Variants in CPXM2 observed in about 807,000 individuals in gnomAD.
CPXM2 encodes the protein inactive carboxypeptidase-like protein X2.
A neutral mutation model predicts 86.1 loss-of-function variants in CPXM2; 66 were observed. That is an observed-to-expected ratio of 0.77 (90% CI 0.63 to 0.94). The LOEUF is 0.94. CPXM2 is among the 40% of genes least tolerant of loss of function. The pLI is 0.00. For missense variants in CPXM2, 948 were observed against 1,026.3 expected (o/e 0.92, Z 1.04); for synonymous variants, 388 against 400.2 (o/e 0.97, Z 0.36).
rs774140430 is a variant in CPXM2 at position 123,768,536 on chromosome 10, G to C, written c.1289C>G (p.Ala430Gly). The change falls in exon 9 of 14, where the codon GCC (alanine) becomes GGC (glycine). Residue 430 changes from alanine to glycine, a missense_variant. Coordinates refer to ENST00000241305, the MANE Select transcript of CPXM2 (RefSeq NM_198148.3). ...GGCCAGGGCCATTACCCCTTCGTAG[G>C]CCTTCTCGTAGCCATCGGGGTTGAG... ...PSLNPDGYEK[A>G]YEGGSELGGW... 1 of 1,613,140 alleles carries C rather than the reference G, an allele frequency of 6.2e-7. No individual in the cohort carries two copies. Among genetic ancestry groups the C allele is most frequent in the Non-Finnish European group, 8.5e-7 (1 of 1,179,440 alleles).
rs759964519 is a variant in CPXM2, at chr10:123,782,303, C to T, written c.890-2048G>A. 5.9e-5 allele frequency among the ~76,000 whole-genome samples: 9 copies of T among 152,232 alleles called. No individual in the cohort carries two copies. The East Asian group carries it at 7.7e-4, about 13-fold the overall frequency. ...GCTATTTTCTAAGAGCTATTCAACACGCCCTAAACCTCGGGGGCGTCTTTT... is the reference window on the plus strand; with the variant it reads ...GCTATTTTCTAAGAGCTATTCAACATGCCCTAAACCTCGGGGGCGTCTTTT... On this transcript the variant is annotated intron_variant, in intron 6 of 13. Transcript: ENST00000241305.
At chr10:123,880,145 T>TTGGGGGGCCCCCCC in intron 2 of CPXM2, 66 bp downstream of exon 2, 2 of 407,578 alleles carry the variant, frequency 4.9e-6, no homozygotes, top group Non-Finnish European at 9.6e-6. Flanking sequence ...CAGGGGCCTG[T>TTGGGGGGCCCCCCC]ACCCACCCAC....
chr10:123,919,476 G>T (rs1008500778), intron 2 of CPXM2, among the ~76,000 whole-genome samples: 5 of 149,656 alleles, frequency 3.3e-5, no homozygotes, highest in Admixed American at 1.3e-4. Context: ...ATTTAAAGCA[G>T]GTATGACAAC....
At chr10:123,829,441 G>A (rs934225287) in intron 4 of CPXM2, among the ~76,000 whole-genome samples, 5 of 151,344 alleles carry the variant, frequency 3.3e-5, no homozygotes, top group African/African-American at 1.2e-4. Flanking sequence ...TGGGTTTATA[G>A]GCATGAGCCA....
intron 2 of CPXM2, among the ~76,000 whole-genome samples, chr10:123,923,004 G>A (rs1273606935): frequency 6.6e-6 from 1 of 152,094 alleles, no homozygotes; most frequent in Non-Finnish European, 1.5e-5. Context: ...CTCCACCCTC[G>A]CCTAGGAAGT....
intron 7 of CPXM2, among the ~76,000 whole-genome samples, chr10:123,779,246 G>T (rs1258201729): frequency 6.6e-6 from 1 of 152,184 alleles, no homozygotes; most frequent in Non-Finnish European, 1.5e-5. Flanking sequence ...ATGCTTTCTA[G>T]CACATGCTGG....
At chr10:123,760,945 G>A (rs375053614) in intron 11 of CPXM2, among the ~76,000 whole-genome samples, 1 of 2,320 alleles carries the variant, frequency 4.3e-4, no homozygotes, top group East Asian at 2.0e-3. Context: ...CAAATTCATC[G>A]TCTTGACCAA....
intron 9 of CPXM2, among the ~76,000 whole-genome samples, chr10:123,767,734 T>G (rs1478581699): frequency 6.6e-6 from 1 of 152,218 alleles, no homozygotes; most frequent in East Asian, 1.9e-4. Context: ...TATTTATACA[T>G]AATTCTGTAC....
intron 2 of CPXM2, among the ~76,000 whole-genome samples, chr10:123,866,381 T>C (rs1162443152): frequency 1.5e-5 from 2 of 136,412 alleles, no homozygotes; most frequent in African/African-American, 6.0e-5. Flanking sequence ...CTGGCCGATA[T>C]GGTGAAACCC....
intron 3 of CPXM2, among the ~76,000 whole-genome samples, chr10:123,860,769 C>T (rs536364917): frequency 3.9e-5 from 5 of 129,608 alleles, no homozygotes; most frequent in African/African-American, 1.3e-4. Context: ...TCAAGCTTTG[C>T]GGGCTCATGT....
intron 2 of CPXM2, among the ~76,000 whole-genome samples, chr10:123,875,643 A>C (rs930715642): frequency 4.6e-5 from 7 of 152,084 alleles, no homozygotes; most frequent in Admixed American, 6.5e-5. Flanking sequence ...ACAAATATAC[A>C]TTAAGTTGGC....
rs544270779 is a variant in CPXM2 at position 123,889,402 on chromosome 10, TG to T, written c.304+1953del. Reference sequence around the variant, plus strand: ...TTGTTACCTTAACACCCCACACTTTTGTGCAACCCTTAACACAACTGTGATT... The same window carrying T: ...TTGTTACCTTAACACCCCACACTTTTTGCAACCCTTAACACAACTGTGATT... On this transcript the variant is annotated intron_variant, in intron 1 of 13. Coordinates refer to ENST00000241305, the MANE Select transcript of CPXM2 (RefSeq NM_198148.3). 1.5e-3 allele frequency among the ~76,000 whole-genome samples: 228 copies of T among 151,490 alleles called. 1 individual carries two copies. In the Middle Eastern group the frequency reaches 0.024, roughly 16 times the overall value.
intron 2 of CPXM2, among the ~76,000 whole-genome samples, chr10:123,910,675 T>C (rs1183662737): frequency 7.2e-5 from 11 of 152,234 alleles, no homozygotes; most frequent in Non-Finnish European, 4.4e-5. Context: ...CTCACCCAAC[T>C]GCACCTAAGT....
Position 123,891,335 on chromosome 10 carries a change from C to T in CPXM2, c.304+21G>A. The stretch of plus-strand genomic sequence containing the variant: ...AACCACCGGCGCCCCCTCGGGCTGC[C>T]CAGCGCAGAAAGTTCCTTACCTGGT... On this transcript the variant is annotated intron_variant, in intron 1 of 13. Transcript: ENST00000241305. The surrounding 1 kb of genome is among the most constrained non-coding windows in gnomAD (Gnocchi z 5.6). 1 of 1,495,746 alleles carries T rather than the reference C, an allele frequency of 6.7e-7. No homozygotes were observed. 92.7% of individuals were successfully genotyped at this position (1,495,746 alleles called of 1,614,324 possible).
rs189384100 is a variant in CPXM2, at chr10:123,864,391, T to G, written c.404-1668A>C. On this transcript the variant is annotated intron_variant, in intron 2 of 13. Transcript: ENST00000241305. ...CTGTGGTTTCAGGGTTCAAGGGACC[T>G]GGGGGGTTTCAGACCCTGATGGGGA... is the stretch of plus-strand genomic sequence containing the variant. Among the ~76,000 whole-genome samples the G allele has an allele frequency of 4.3e-3, 657 of 152,318 alleles. 4 individuals carry two copies. The highest frequency in any genetic ancestry group is 5.7e-3 in the Non-Finnish European group (385 of 68,022).
chr10:123,773,184 G>A (rs1283368572), intron 7 of CPXM2, among the ~76,000 whole-genome samples: 1 of 151,754 alleles, frequency 6.6e-6, no homozygotes, highest in Non-Finnish European at 1.5e-5. Flanking sequence ...CCCTGGTTGT[G>A]GTTTTTATCT....
At position 123,752,778 on chromosome 10, in the gene CPXM2, G is replaced by A. The variant is rs776317195; in HGVS notation, c.2017+1885C>T. On this transcript the variant is annotated intron_variant, in intron 13 of 13. Transcript: ENST00000241305. ...TCACTGGGTAATCCTGGAACATCAC[G>A]GACTGTTCATCCGCCCATTCACCAA... 16 of 197,502 alleles carry A rather than the reference G, an allele frequency of 8.1e-5. No individual in the cohort carries two copies. In the East Asian group the frequency reaches 1.9e-3, roughly 23 times the overall value. 12.2% of individuals were successfully genotyped at this position (197,502 alleles called of 1,614,324 possible).
chr10:123,787,485 C>T (rs374353793), intron 6 of CPXM2, among the ~76,000 whole-genome samples: 13 of 152,150 alleles, frequency 8.5e-5, no homozygotes, highest in East Asian at 5.8e-4. Context: ...AGGCACCCAC[C>T]ACCACGCCCG....
At chr10:123,939,086 C>A (rs948895173) in intron 2 of CPXM2, among the ~76,000 whole-genome samples, 1 of 152,126 alleles carries the variant, frequency 6.6e-6, no homozygotes, top group Non-Finnish European at 1.5e-5. Flanking sequence ...GACATAAAGC[C>A]ACGAGAAGTG....
Sources: allele counts gnomAD v4.1 joint callset (sites outside exome capture counted in the v4.1 genomes callset), GRCh38; gene constraint gnomAD v4.1.1; non-coding constraint Gnocchi (gnomAD v3.1); transcripts MANE v1.5; gene names NCBI Gene and HGNC (gene_info 2026-07-23, HGNC 2026-07-21).